The following ANKRD12 variants were observed in gnomAD, a reference collection of about 807,000 sequenced individuals.
ANKRD12 encodes the protein ankyrin repeat domain-containing protein 12.
In ANKRD12, 85 loss-of-function variants were observed where a neutral mutation model predicts 183.4. The observed-to-expected ratio is 0.46, with a 90% confidence interval of 0.39 to 0.56. ANKRD12 has a LOEUF of 0.56. Ranked by LOEUF, ANKRD12 falls within the 20% of genes least tolerant of loss-of-function variation. ANKRD12 has a pLI of 0.00. For synonymous variants in ANKRD12, 914 were observed against 800.2 expected (o/e 1.14, Z -2.40); for missense variants, 2,405 against 2,357.1 (o/e 1.02, Z -0.42).
intron 9 of ANKRD12, among the ~76,000 whole-genome samples, chr18:9,260,703 A>T (rs557101170): frequency 6.6e-6 from 1 of 152,284 alleles, no homozygotes; most frequent in Admixed American, 6.5e-5. Context: ...TCCAAGCATG[A>T]TTTACTTAAA....
Position 9,226,145 on chromosome 18 carries a change from C to A in ANKRD12, c.943+4146C>A, listed in dbSNP as rs371398792. 8.5e-5 allele frequency among the ~76,000 whole-genome samples: 13 copies of A among 152,228 alleles called. No homozygotes were observed. In the East Asian group the frequency reaches 1.9e-3, roughly 23 times the overall value. On this transcript the variant is annotated intron_variant, in intron 8 of 12. Transcript: ENST00000262126. ...TCAAGATACAGAATATTTCCAAGGC[C>A]GGGCACGGTGGCTCACGCCTGTAAT...
Position 9,285,445 on chromosome 18 carries a change from A to C in ANKRD12, c.*4319A>C, listed in dbSNP as rs2040200266. 6.6e-6 allele frequency: 1 copy of C among 151,442 alleles called. No individual in the cohort carries two copies. Among genetic ancestry groups the C allele is most frequent in the Non-Finnish European group, 1.5e-5 (1 of 67,842 alleles). The allele number at this position is 151,442 out of a possible 1,614,324, so 9.4% of individuals were successfully genotyped here. A position where few individuals can be genotyped will look rare whatever the true frequency, so the allele number is the denominator to read the frequency against. ...CTGTCTCCAAAAAAAAAAAAAAAAA[A>C]AAAAAGTATATCACATATGTAGCAT... is the stretch of plus-strand genomic sequence containing the variant. On this transcript the variant is annotated 3_prime_UTR_variant, in exon 13 of 13. Transcript: ENST00000262126.
intron 1 of ANKRD12, among the ~76,000 whole-genome samples, chr18:9,149,007 C>A (rs371599568): frequency 5.9e-5 from 9 of 152,180 alleles, no homozygotes; most frequent in African/African-American, 2.2e-4. Context: ...ATATGCTTAT[C>A]CTCCTCCCAC....
At chr18:9,240,651 A>G (rs1344105710) in intron 8 of ANKRD12, among the ~76,000 whole-genome samples, 1 of 152,170 alleles carries the variant, frequency 6.6e-6, no homozygotes, top group African/African-American at 2.4e-5. Flanking sequence ...ACCATTTTCT[A>G]CCTTACCTTG....
chr18:9,273,157 T>G (rs1382622323), intron 10 of ANKRD12, among the ~76,000 whole-genome samples: 1 of 152,134 alleles, frequency 6.6e-6, no homozygotes, highest in African/African-American at 2.4e-5. Flanking sequence ...CCAAAGAATA[T>G]AGTTAGGACC....
chr18:9,230,837 T>A (rs182282769), intron 8 of ANKRD12, among the ~76,000 whole-genome samples: 103 of 151,886 alleles, frequency 6.8e-4, no homozygotes, highest in Non-Finnish European at 1.2e-3. Flanking sequence ...TTTTGTATTT[T>A]TTTTTTTTTT....
chr18:9,282,482 G>A lies in ANKRD12; in HGVS notation c.*1356G>A, dbSNP rs181158446. On this transcript the variant is annotated 3_prime_UTR_variant, in exon 13 of 13. Coordinates refer to ENST00000262126, the MANE Select transcript of ANKRD12 (RefSeq NM_015208.5). ...AGCAATATACTTTAAAAAAAATCCA[G>A]TTTCTCCTATAACATGATGTAAATT... 1.2e-4 allele frequency: 19 copies of A among 152,588 alleles called. No homozygotes were observed. The highest frequency in any genetic ancestry group is 3.9e-4 in the African/African-American group (16 of 41,544). The allele number at this position is 152,588 out of a possible 1,614,324, so 9.5% of individuals were successfully genotyped here.
At chr18:9,270,275 A>G (rs1190484603) in intron 10 of ANKRD12, among the ~76,000 whole-genome samples, 10 of 152,368 alleles carry the variant, frequency 6.6e-5, no homozygotes, top group African/African-American at 2.4e-4. Flanking sequence ...ATATACCGAA[A>G]GGATTATAAA....
At chr18:9,174,700 AGT>A (rs2033086972) in intron 1 of ANKRD12, among the ~76,000 whole-genome samples, 2 of 152,130 alleles carry the variant, frequency 1.3e-5, no homozygotes, top group African/African-American at 4.8e-5. Context: ...AATCAGTCCC[AGT>A]GTGAGAACCT....
chr18:9,225,490 G>A (rs1015103106), intron 8 of ANKRD12, among the ~76,000 whole-genome samples: 43 of 139,224 alleles, frequency 3.1e-4, no homozygotes, highest in Non-Finnish European at 5.4e-4. Flanking sequence ...AAAAAAAAAA[G>A]TATTCAAATA....
chr18:9,217,819 GT>G (rs1331498965), intron 7 of ANKRD12, among the ~76,000 whole-genome samples: 1 of 151,986 alleles, frequency 6.6e-6, no homozygotes, highest in Non-Finnish European at 1.5e-5. Context: ...ATTTTATGTT[GT>G]TTTCTGTTAT....
chr18:9,259,746 C>T (rs1355415082), intron 9 of ANKRD12: 1 of 152,062 alleles, frequency 6.6e-6, no homozygotes, highest in African/African-American at 2.4e-5. Context: ...CTGTAGATTT[C>T]CAATTTGCAT....
At chr18:9,200,763 A>G (rs914682905) in intron 3 of ANKRD12, 1 of 152,244 alleles carries the variant, frequency 6.6e-6, no homozygotes, top group Non-Finnish European at 1.5e-5. Context: ...AAACATAACC[A>G]AAAACTAACA....
chr18:9,188,853 G>T (rs529644893), intron 2 of ANKRD12, among the ~76,000 whole-genome samples: 1 of 152,142 alleles, frequency 6.6e-6, no homozygotes, highest in Admixed American at 6.6e-5. Flanking sequence ...CCACTTACTG[G>T]CTTCTCTCCC....
intron 10 of ANKRD12, among the ~76,000 whole-genome samples, chr18:9,267,720 G>A (rs1185143681): frequency 6.6e-6 from 1 of 152,130 alleles, no homozygotes; most frequent in Non-Finnish European, 1.5e-5. Flanking sequence ...AACTAGAGAA[G>A]CAAGAGCAAA....
chr18:9,253,385 T>C (rs753964195), intron 8 of ANKRD12, among the ~76,000 whole-genome samples: 1 of 152,222 alleles, frequency 6.6e-6, no homozygotes, highest in African/African-American at 2.4e-5. Context: ...ATTCTACTAT[T>C]TCCATGAGTT....
intron 1 of ANKRD12, among the ~76,000 whole-genome samples, chr18:9,170,579 C>G (rs1000169617): frequency 2.6e-5 from 4 of 152,146 alleles, no homozygotes; most frequent in Non-Finnish European, 4.4e-5. Context: ...AAGGACTTCT[C>G]TGCATTGGTT....
intron 1 of ANKRD12, among the ~76,000 whole-genome samples, chr18:9,166,455 A>G (rs1006812435): frequency 2.6e-5 from 4 of 151,962 alleles, no homozygotes; most frequent in African/African-American, 9.7e-5. Context: ...TTTGATTTGC[A>G]TTTCTCTGAT....
In ANKRD12 at chr18:9,257,515, T is replaced by C. The variant is rs751036430; in HGVS notation, c.4248T>C (p.Asn1416=). ...EPSSQVGVIQ[N]KSWEMPVDRL... is the part of the protein sequence containing the mutation. Reference sequence around the variant, plus strand: ...CTAGTCAGGTTGGTGTGATCCAGAATAAATCATGGGAGATGCCTGTTGATA... The same window carrying C: ...CTAGTCAGGTTGGTGTGATCCAGAACAAATCATGGGAGATGCCTGTTGATA... The change falls in exon 9 of 13, where the codon AAT becomes AAC. Residue 1416 remains asparagine, a synonymous_variant. Transcript: ENST00000262126. The C allele has an allele frequency of 1.9e-6, 3 of 1,614,090 alleles. No individual in the cohort carries two copies. Among genetic ancestry groups the C allele is most frequent in the Non-Finnish European group, 2.5e-6 (3 of 1,180,006 alleles).
Sources: allele counts gnomAD v4.1 joint callset (sites outside exome capture counted in the v4.1 genomes callset), GRCh38; gene constraint gnomAD v4.1.1; transcripts MANE v1.5; gene names NCBI Gene and HGNC (gene_info 2026-07-23, HGNC 2026-07-21).